Variants in RUNX3 observed in about 807,000 individuals in gnomAD.
RUNX3 encodes RUNX family transcription factor 3.
Under a neutral mutation model 27.7 loss-of-function variants are expected in RUNX3, and 10 were observed. The ratio of observed to expected loss-of-function variants is 0.36; its 90% CI spans 0.22 to 0.61. The LOEUF is 0.61. Ranked by LOEUF, RUNX3 falls within the 20% of genes least tolerant of loss-of-function variation. RUNX3 has a pLI of 0.72. For synonymous variants in RUNX3, 270 were observed against 269.2 expected (o/e 1.00, Z -0.03); for missense variants, 469 against 629.5 (o/e 0.75, Z 2.73).
chr1:24,922,953 C>T (rs754499814), intron 2 of RUNX3, among the ~76,000 whole-genome samples: 14 of 152,134 alleles, frequency 9.2e-5, no homozygotes, highest in Non-Finnish European at 1.9e-4. Context: ...ATAACCTCCC[C>T]AGGGGCCCAA....
At chr1:24,934,979 A>T (rs1245785185), upstream of RUNX3, among the ~76,000 whole-genome samples, 1 of 152,150 alleles carries the variant, frequency 6.6e-6, no homozygotes, top group East Asian at 1.9e-4. Flanking sequence ...TGCACCCACC[A>T]CCTGCTCTCC....
intron 1 of RUNX3, among the ~76,000 whole-genome samples, chr1:24,928,148 C>T (rs1340435480): frequency 1.3e-5 from 2 of 152,218 alleles, no homozygotes; most frequent in African/African-American, 4.8e-5. Flanking sequence ...ATAATAACAA[C>T]AGGGCTGCTA....
chr1:24,907,241 C>T lies in RUNX3; in HGVS notation c.703+18G>A. ...ACCCCCACCTCACCCCGCTGCAGCC[C>T]CTCCCTCCGTGCCGTACCTTGGATT... On this transcript the variant is annotated intron_variant, in intron 4 of 4. Transcript: ENST00000308873. 6.2e-7 allele frequency: 1 copy of T among 1,603,902 alleles called. No homozygotes were observed. Among genetic ancestry groups the T allele is most frequent in the Non-Finnish European group, 8.5e-7 (1 of 1,178,904 alleles).
intron 2 of RUNX3, among the ~76,000 whole-genome samples, chr1:24,948,559 G>C (rs190734131): frequency 3.3e-5 from 5 of 152,034 alleles, no homozygotes; most frequent in African/African-American, 7.2e-5. Flanking sequence ...CAGGACAGGG[G>C]TGCATGTGGG....
Position 24,927,652 on chromosome 1 carries a change from G to C in RUNX3, c.361C>G (p.Leu121Val). The part of the protein sequence containing the change: ...AGNDENYSAE[L>V]RNASAVMKNQ... ...TTCATGACGGCCGAGGCATTGCGCA[G>C]CTCAGCGGAGTAGTTCTCGTCATTG... is the stretch of plus-strand genomic sequence containing the variant. The change falls in exon 2 of 5, where the codon CTG becomes GTG. Residue 121 changes from leucine (L) to valine (V), a missense_variant. Leu to Val is a conservative substitution (Grantham distance 32). Transcript: ENST00000308873. This position sits in a 1 kb window ranked among gnomAD's most constrained non-coding sequence, Gnocchi z 5.0. 6.2e-7 allele frequency: 1 copy of C among 1,614,170 alleles called. No individual in the cohort carries two copies. Among genetic ancestry groups the C allele is most frequent in the South Asian group, 1.1e-5 (1 of 91,088 alleles).
chr1:24,944,052 T>C (rs1357477903), intron 2 of RUNX3, among the ~76,000 whole-genome samples: 1 of 152,094 alleles, frequency 6.6e-6, no homozygotes, highest in Admixed American at 6.5e-5. Context: ...GACTTAGCCC[T>C]TGGGGCCTTA....
intron 3 of RUNX3, among the ~76,000 whole-genome samples, chr1:24,918,528 G>A (rs1344761222): frequency 6.6e-6 from 1 of 152,168 alleles, no homozygotes; most frequent in African/African-American, 2.4e-5. Context: ...AATGCCTTGG[G>A]GAGGTGGGAT....
At position 24,943,027 on chromosome 1, in the gene RUNX3, G is replaced by T. The variant is rs1052954586; in HGVS notation, c.59-13175C>A. Among the ~76,000 whole-genome samples, 1 of 152,258 alleles carries T rather than the reference G, an allele frequency of 6.6e-6. No homozygotes were observed. The highest frequency in any genetic ancestry group is 1.5e-5 in the Non-Finnish European group (1 of 68,036). ...GGCAGCGGCTCAGGACTGGGCGGGGGTCCGGAGCGGAAGGCGCCCAGCCCT... is the reference window on the plus strand; with the variant it reads ...GGCAGCGGCTCAGGACTGGGCGGGGTTCCGGAGCGGAAGGCGCCCAGCCCT... On this transcript the variant is annotated intron_variant, in intron 2 of 6. Coordinates refer to the RUNX3 transcript ENST00000338888. The surrounding 1 kb of genome is among the most constrained non-coding windows in gnomAD (Gnocchi z 4.6).
Position 24,923,252 on chromosome 1 carries a change from G to A in RUNX3, c.440-3908C>T, listed in dbSNP as rs1404272131. Among the ~76,000 whole-genome samples the A allele has an allele frequency of 6.6e-6, 1 of 152,156 alleles. No individual in the cohort carries two copies. The highest frequency in any genetic ancestry group is 1.5e-5 in the Non-Finnish European group (1 of 68,022). ...GAGAGGAGTGTGGGGCCTAAGAGGA[G>A]GAGTGAGAGGGAGGGGCAGGAGTCC... On this transcript the variant is annotated intron_variant, in intron 2 of 4. Coordinates refer to ENST00000308873, the MANE Select transcript of RUNX3 (RefSeq NM_004350.3). The surrounding 1 kb of genome is among the most constrained non-coding windows in gnomAD (Gnocchi z 5.9).
intron 1 of RUNX3, chr1:24,929,338 T>C (rs776739299): frequency 2.9e-6 from 2 of 689,722 alleles, no homozygotes; most frequent in Non-Finnish European, 2.7e-6. Context: ...CCAACGTCTC[T>C]ACGCAAGGCG....
At chr1:24,928,401 TA>T (rs1360182176) in intron 1 of RUNX3, among the ~76,000 whole-genome samples, 1 of 152,114 alleles carries the variant, frequency 6.6e-6, no homozygotes, top group African/African-American at 2.4e-5. Flanking sequence ...GATGTCCCCC[TA>T]AACACCATCT....
intron 1 of RUNX3, chr1:24,929,339 A>G (rs1641164406): frequency 1.5e-6 from 1 of 689,238 alleles, no homozygotes; most frequent in Non-Finnish European, 2.7e-6. Flanking sequence ...CAACGTCTCT[A>G]CGCAAGGCGC....
At chr1:24,939,860 G>A (rs926104156) in intron 2 of RUNX3, among the ~76,000 whole-genome samples, 2 of 152,256 alleles carry the variant, frequency 1.3e-5, no homozygotes, top group African/African-American at 4.8e-5. Flanking sequence ...TGGAAGGGCA[G>A]GGCACTAGCC....
At chr1:24,964,920 C>A (rs867313929) in exon 1 of RUNX3, 2 of 303,252 alleles carry the variant, frequency 6.6e-6, no homozygotes, top group South Asian at 3.6e-5. Context: ...CATTAGATGG[C>A]GGGAAGGGGC....
At chr1:24,932,234 G>A (rs1242957905), upstream of RUNX3, among the ~76,000 whole-genome samples, 3 of 150,548 alleles carry the variant, frequency 2.0e-5, no homozygotes, top group Non-Finnish European at 4.4e-5. Flanking sequence ...ACTCTTGTGG[G>A]CCCTGGCACC....
rs368800116 is a variant in RUNX3 at position 24,919,547 on chromosome 1, CA to C, written c.440-204del. 191 of 482,978 alleles carry C rather than the reference CA, an allele frequency of 4.0e-4. 1 individual carries two copies. The highest frequency in any genetic ancestry group is 3.7e-3 in the African/African-American group (181 of 48,632). 29.9% of individuals were successfully genotyped at this position (482,978 alleles called of 1,614,324 possible). On this transcript the variant is annotated intron_variant, in intron 2 of 4. Transcript: ENST00000308873. ...TTCAAGGCCCCTGGGGGTCTGACGC[CA>C]ACTTTGTCAACCCCCCGCCCCATGC...
intron 3 of RUNX3, among the ~76,000 whole-genome samples, chr1:24,911,557 C>G (rs1056107481): frequency 2.0e-5 from 3 of 152,370 alleles, no homozygotes; most frequent in East Asian, 3.9e-4. Flanking sequence ...ACGTGGGTCA[C>G]CACCATCATG....
intron 4 of RUNX3, among the ~76,000 whole-genome samples, chr1:24,903,012 GTC>G (rs1309316056): frequency 6.6e-6 from 1 of 152,192 alleles, no homozygotes; most frequent in African/African-American, 2.4e-5. Context: ...TGAGGGCAGA[GTC>G]AGCTCAGGCC....
At chr1:24,921,067 G>GT (rs1640990368) in intron 2 of RUNX3, among the ~76,000 whole-genome samples, 1 of 152,154 alleles carries the variant, frequency 6.6e-6, no homozygotes, top group African/African-American at 2.4e-5. Context: ...ACTCTCACCT[G>GT]TACCCCAGGG....
Sources: allele counts gnomAD v4.1 joint callset (sites outside exome capture counted in the v4.1 genomes callset), GRCh38; gene constraint gnomAD v4.1.1; non-coding constraint Gnocchi (gnomAD v3.1); transcripts MANE v1.5; gene names NCBI Gene and HGNC (gene_info 2026-07-23, HGNC 2026-07-21).